Variants in ALK observed in about 807,000 individuals in gnomAD.
ALK encodes the protein ALK receptor tyrosine kinase, also known as ALK tyrosine kinase receptor.
ALK carries 74 observed loss-of-function variants against 163.1 expected under a neutral mutation model. The ratio of observed to expected loss-of-function variants is 0.45; its 90% confidence interval spans 0.38 to 0.55. The LOEUF (loss-of-function observed/expected upper bound fraction) is 0.55, where lower values mean the gene tolerates loss of function less well. Ranked by LOEUF, ALK falls within the 20% of genes least tolerant of loss-of-function variation. The pLI, the probability that ALK is intolerant of heterozygous loss-of-function variation, is 0.00. For synonymous variants in ALK, 960 were observed against 843.2 expected (o/e 1.14, Z -2.40); for missense variants, 2,063 against 2,105.3 (o/e 0.98, Z 0.39).
intron 3 of ALK, among the ~76,000 whole-genome samples, chr2:29,543,277 C>T (rs1035029262): frequency 9.9e-5 from 15 of 152,140 alleles, no homozygotes; most frequent in Non-Finnish European, 1.8e-4. Flanking sequence ...TTTCATGCTG[C>T]TGGATTATTC....
intron 4 of ALK, among the ~76,000 whole-genome samples, chr2:29,434,706 C>T (rs1670357289): frequency 6.6e-6 from 1 of 152,148 alleles, no homozygotes; most frequent in African/African-American, 2.4e-5. Flanking sequence ...TAACACTTCA[C>T]CAACAAAGGA....
intron 12 of ALK, among the ~76,000 whole-genome samples, chr2:29,244,800 T>C (rs948854035): frequency 1.3e-5 from 2 of 152,238 alleles, no homozygotes; most frequent in African/African-American, 4.8e-5. Flanking sequence ...TACAATTACT[T>C]TGGCAATTAA....
chr2:29,418,856 A>G (rs1669946156), intron 4 of ALK, among the ~76,000 whole-genome samples: 1 of 147,152 alleles, frequency 6.8e-6, no homozygotes, highest in Non-Finnish European at 1.5e-5. Context: ...TCCAGAATTA[A>G]TACATTAATT....
At chr2:29,240,851 C>T (rs1302617181) in intron 12 of ALK, among the ~76,000 whole-genome samples, 2 of 152,188 alleles carry the variant, frequency 1.3e-5, no homozygotes, top group African/African-American at 2.4e-5. Flanking sequence ...ACTTTCACAT[C>T]CATGTGTATT....
chr2:29,830,472 C>T (rs1665336038), intron 1 of ALK, among the ~76,000 whole-genome samples: 1 of 151,950 alleles, frequency 6.6e-6, no homozygotes, highest in South Asian at 2.1e-4. Context: ...TAAGAGGAGC[C>T]CTATTGACAC....
intron 5 of ALK, among the ~76,000 whole-genome samples, chr2:29,330,497 C>T (rs1667405758): frequency 6.6e-6 from 1 of 152,176 alleles, no homozygotes; most frequent in African/African-American, 2.4e-5. Flanking sequence ...GCGTTCACCC[C>T]AGGCCTAGCC....
chr2:29,608,386 T>C (rs58693709), intron 3 of ALK, among the ~76,000 whole-genome samples: 85 of 152,354 alleles, frequency 5.6e-4, no homozygotes, highest in African/African-American at 1.9e-3. Context: ...GCAAATATTT[T>C]AGGATGGATG....
chr2:29,242,859 G>T (rs1309258442), intron 12 of ALK, among the ~76,000 whole-genome samples: 1 of 152,256 alleles, frequency 6.6e-6, no homozygotes, highest in Non-Finnish European at 1.5e-5. Context: ...GCAGGTTTCT[G>T]TGGCTGGGTT....
At chr2:29,712,122 A>T (rs1679121623) in intron 2 of ALK, among the ~76,000 whole-genome samples, 1 of 152,142 alleles carries the variant, frequency 6.6e-6, no homozygotes, top group African/African-American at 2.4e-5. Context: ...ACTCCTTTAT[A>T]TTGAATTTCC....
chr2:29,436,851 A>C (rs913096926), intron 4 of ALK, among the ~76,000 whole-genome samples: 86 of 152,244 alleles, frequency 5.6e-4, no homozygotes, highest in Middle Eastern at 6.8e-3. Flanking sequence ...GTGATCACAG[A>C]CCAGCCAGAG....
At chr2:29,195,587 T>C (rs1669002028) in intron 28 of ALK, among the ~76,000 whole-genome samples, 1 of 151,960 alleles carries the variant, frequency 6.6e-6, no homozygotes, top group South Asian at 2.1e-4. Context: ...CAAAAAAAAT[T>C]AGCTGGATAT....
intron 9 of ALK, among the ~76,000 whole-genome samples, chr2:29,295,019 C>A (rs969405271): frequency 6.6e-6 from 1 of 152,198 alleles, no homozygotes; most frequent in Non-Finnish European, 1.5e-5. Flanking sequence ...CAGCTTCCAA[C>A]CTCAGAGCAT....
At chr2:29,383,926 T>TGCAA in intron 4 of ALK, 67 bp from the exon 5 acceptor site, 2 of 1,601,366 alleles carry the variant, frequency 1.2e-6, no homozygotes, top group Non-Finnish European at 1.7e-6. Context: ...GCCTAACATG[T>TGCAA]GGACAGGGTC....
chr2:29,822,094 A>C (rs1240435935), intron 1 of ALK, among the ~76,000 whole-genome samples: 1 of 152,202 alleles, frequency 6.6e-6, no homozygotes, highest in Non-Finnish European at 1.5e-5. Flanking sequence ...AAAGAGTCCA[A>C]AGGATTTTAT....
intron 5 of ALK, among the ~76,000 whole-genome samples, chr2:29,344,035 C>T (rs557558820): frequency 1.3e-5 from 2 of 152,220 alleles, no homozygotes; most frequent in Admixed American, 1.3e-4. Flanking sequence ...ACATTCATGC[C>T]CACAGGTCTT....
At chr2:29,892,589 T>C (rs902120529) in intron 1 of ALK, among the ~76,000 whole-genome samples, 4 of 152,164 alleles carry the variant, frequency 2.6e-5, no homozygotes, top group Non-Finnish European at 4.4e-5. Flanking sequence ...TGAGCAATTA[T>C]TAAGGTATTA....
At chr2:29,814,608 C>T (rs766226561) in intron 1 of ALK, among the ~76,000 whole-genome samples, 2 of 151,366 alleles carry the variant, frequency 1.3e-5, no homozygotes, top group African/African-American at 4.9e-5. Flanking sequence ...TGCAGTGAGC[C>T]AAGATCGCAC....
At chr2:29,592,317 G>T (rs1037716624) in intron 3 of ALK, among the ~76,000 whole-genome samples, 2 of 152,134 alleles carry the variant, frequency 1.3e-5, no homozygotes, top group Admixed American at 1.3e-4. Context: ...TGGTCACAAA[G>T]CCCTGTGTGC....
chr2:29,255,766 T>C (rs1664935071), intron 11 of ALK, among the ~76,000 whole-genome samples: 6 of 152,182 alleles, frequency 3.9e-5, no homozygotes, highest in Admixed American at 2.6e-4. Flanking sequence ...ATTTTCATGA[T>C]TGACCCACCA....
Sources: gnomAD v4.1 joint callset for allele counts (sites outside exome capture counted in the v4.1 genomes callset) on GRCh38, gnomAD v4.1.1 for gene constraint, MANE v1.5 for transcripts, NCBI Gene and HGNC (gene_info 2026-07-23, HGNC 2026-07-21) for gene names.